Variants in THSD7B observed in about 807,000 individuals in gnomAD.
The protein encoded by THSD7B is thrombospondin type 1 domain containing 7B.
In THSD7B, 138 loss-of-function variants were observed where a neutral mutation model predicts 213.6. The observed-to-expected ratio is 0.65, with a 90% confidence interval of 0.56 to 0.74. The LOEUF is 0.74. Among genes scored for constraint, THSD7B ranks in the 30% least tolerant of loss-of-function variants. The pLI is 0.00. For synonymous variants in THSD7B, 742 were observed against 687.0 expected (o/e 1.08, Z -1.25); for missense variants, 1,931 against 1,991.5 (o/e 0.97, Z 0.58).
chr2:137,169,448 A>G (rs1680200021), intron 6 of THSD7B, among the ~76,000 whole-genome samples: 1 of 151,570 alleles, frequency 6.6e-6, no homozygotes, highest in African/African-American at 2.4e-5. Flanking sequence ...CTTTTTCATG[A>G]GAGAGATGTT....
intron 6 of THSD7B, among the ~76,000 whole-genome samples, chr2:137,167,069 C>T (rs1680149919): frequency 6.6e-6 from 1 of 152,118 alleles, no homozygotes; most frequent in Non-Finnish European, 1.5e-5. Context: ...TTCTTTCACT[C>T]AGAGTTGTTA....
chr2:137,230,120 A>C (rs1317868080), intron 7 of THSD7B, among the ~76,000 whole-genome samples: 1 of 152,202 alleles, frequency 6.6e-6, no homozygotes, highest in Non-Finnish European at 1.5e-5. Context: ...ATTATCTATA[A>C]AAGAGGAATA....
intron 2 of THSD7B, among the ~76,000 whole-genome samples, chr2:136,906,916 T>G: frequency 6.8e-6 from 1 of 147,578 alleles, no homozygotes; most frequent in East Asian, 2.0e-4. Flanking sequence ...CACATATTCA[T>G]AGATTCCTTA....
chr2:137,105,818 C>T (rs1284771391), intron 4 of THSD7B, among the ~76,000 whole-genome samples: 1 of 152,032 alleles, frequency 6.6e-6, no homozygotes, highest in African/African-American at 2.4e-5. Flanking sequence ...GAGTAAAATA[C>T]CTAGGAATAC....
At chr2:137,024,896 A>C (rs1686518045) in intron 2 of THSD7B, among the ~76,000 whole-genome samples, 1 of 152,106 alleles carries the variant, frequency 6.6e-6, no homozygotes, top group South Asian at 2.1e-4. Flanking sequence ...GATATATTCC[A>C]TCTAATCACA....
intron 20 of THSD7B, among the ~76,000 whole-genome samples, chr2:137,623,608 G>A (rs1310576219): frequency 5.3e-5 from 8 of 152,188 alleles, no homozygotes; most frequent in Non-Finnish European, 2.9e-5. Context: ...ATCTCCTTAA[G>A]CTGATAAGCA....
chr2:136,998,261 C>CA (rs33931359), intron 2 of THSD7B, among the ~76,000 whole-genome samples: 1,939 of 98,162 alleles, frequency 0.02, 16 homozygotes, highest in Non-Finnish European at 0.025. Flanking sequence ...ACTAAAAGGC[C>CA]AAAAAAAAAA....
chr2:136,841,296 G>A (rs1682914926), intron 1 of THSD7B, among the ~76,000 whole-genome samples: 1 of 152,010 alleles, frequency 6.6e-6, no homozygotes, highest in Non-Finnish European at 1.5e-5. Context: ...ATGCACATTT[G>A]TTATGGAAAT....
chr2:136,790,147 G>C (rs932165956), intron 1 of THSD7B, among the ~76,000 whole-genome samples: 1 of 151,566 alleles, frequency 6.6e-6, no homozygotes, highest in East Asian at 1.9e-4. Context: ...GTGTGTTTGT[G>C]TGTGTGTTTA....
chr2:137,094,783 CAG>C, intron 3 of THSD7B, 88 bp from the exon 4 acceptor site: 1 of 1,474,410 alleles, frequency 6.8e-7, no homozygotes, highest in Non-Finnish European at 9.1e-7. Context: ...AATCAAATTT[CAG>C]AGTTTTTTTT....
intron 12 of THSD7B, among the ~76,000 whole-genome samples, chr2:137,367,453 A>T (rs1685447917): frequency 6.6e-6 from 1 of 152,148 alleles, no homozygotes; most frequent in Admixed American, 6.6e-5. Context: ...CCTATGCAAT[A>T]TACGTTTTGG....
chr2:137,242,447 A>G lies in THSD7B; in HGVS notation c.2151-10A>G, dbSNP rs755472565. ...AAAAAGGCATTGACATGGTCTTTTC[A>G]CATTGACAGATGTCCAGATTCTACT... On this transcript the variant is annotated splice_polypyrimidine_tract_variant and intron_variant, in intron 9 of 27. Coordinates refer to ENST00000409968, the MANE Select transcript of THSD7B (RefSeq NM_001316349.2). The G allele has an allele frequency of 6.2e-7, 1 of 1,607,824 alleles. No individual in the cohort carries two copies. The highest frequency in any genetic ancestry group is 8.5e-7 in the Non-Finnish European group (1 of 1,174,504).
At chr2:137,582,399 T>C (rs921027465) in intron 17 of THSD7B, among the ~76,000 whole-genome samples, 4 of 152,240 alleles carry the variant, frequency 2.6e-5, no homozygotes, top group Non-Finnish European at 5.9e-5. Flanking sequence ...TGGAGGTTTG[T>C]TACATATGTA....
At chr2:137,419,339 G>T (rs1686870529) in intron 14 of THSD7B, among the ~76,000 whole-genome samples, 1 of 149,838 alleles carries the variant, frequency 6.7e-6, no homozygotes, top group Non-Finnish European at 1.5e-5. Flanking sequence ...CACTGCAATT[G>T]AGCTCTCAGC....
intron 2 of THSD7B, among the ~76,000 whole-genome samples, chr2:136,940,481 ATT>A (rs35483919): frequency 6.6e-6 from 1 of 150,824 alleles, no homozygotes; most frequent in African/African-American, 2.4e-5. Flanking sequence ...AAGTTTGATA[ATT>A]TTTTTTTCCT....
At chr2:137,098,074 A>G (rs553992739) in intron 4 of THSD7B, among the ~76,000 whole-genome samples, 10 of 152,328 alleles carry the variant, frequency 6.6e-5, no homozygotes, top group African/African-American at 2.4e-4. Context: ...TTCATTGTTA[A>G]CAAGGGAAAG....
In THSD7B at chr2:137,396,271, G is replaced by C. The variant is rs559118719; in HGVS notation, c.2501-9342G>C. 1.5e-5 allele frequency among the ~76,000 whole-genome samples: 2 copies of C among 137,740 alleles called. 1 individual carries two copies. Among genetic ancestry groups the C allele is most frequent in the South Asian group, 5.4e-4 (2 of 3,694 alleles). 90.4% of individuals were successfully genotyped at this position (137,740 alleles called of 152,430 possible). On this transcript the variant is annotated intron_variant, in intron 12 of 27. Coordinates refer to ENST00000409968, the MANE Select transcript of THSD7B (RefSeq NM_001316349.2). ...TTGTGATGTTAGGGTGTCAGTTTTG[G>C]ATCTTTCCTGCTTTCTCTTGTGGGC...
chr2:137,515,048 A>G (rs1293361907), intron 15 of THSD7B, among the ~76,000 whole-genome samples: 3 of 152,192 alleles, frequency 2.0e-5, no homozygotes, highest in African/African-American at 7.2e-5. Context: ...TTGGAACACC[A>G]GACACAACCT....
chr2:137,676,680 T>C lies in THSD7B; in HGVS notation c.*75T>C. Reference sequence around the variant, plus strand: ...CTTTTGTAGCTCTCAGACTTCTCAGTTTTTTGAGGAATCTCAAGATGTGAT... The same window carrying C: ...CTTTTGTAGCTCTCAGACTTCTCAGCTTTTTGAGGAATCTCAAGATGTGAT... On this transcript the variant is annotated 3_prime_UTR_variant, in exon 28 of 28. Coordinates refer to ENST00000409968, the MANE Select transcript of THSD7B (RefSeq NM_001316349.2). The C allele has an allele frequency of 7.5e-7, 1 of 1,329,732 alleles. No homozygotes were observed. Among genetic ancestry groups the C allele is most frequent in the South Asian group, 1.5e-5 (1 of 66,330 alleles). 82.4% of individuals were successfully genotyped at this position (1,329,732 alleles called of 1,614,324 possible). A position where few individuals can be genotyped will look rare whatever the true frequency, so the allele number is the denominator to read the frequency against.
Sources: allele counts gnomAD v4.1 joint callset (sites outside exome capture counted in the v4.1 genomes callset), GRCh38; gene constraint gnomAD v4.1.1; transcripts MANE v1.5; gene names NCBI Gene and HGNC (gene_info 2026-07-23, HGNC 2026-07-21).